The following DTWD2 variants were observed in gnomAD, a reference collection of about 807,000 sequenced individuals.
The protein encoded by DTWD2 is tRNA-uridine aminocarboxypropyltransferase 2.
In DTWD2, 39 loss-of-function variants were observed where a neutral mutation model predicts 31.8. The ratio of observed to expected loss-of-function variants is 1.22; its 90% CI spans 0.95 to 1.60. The LOEUF (loss-of-function observed/expected upper bound fraction) is 1.60, where lower values mean the gene tolerates loss of function less well. Among genes scored for constraint, DTWD2 ranks in the 40% most tolerant of loss-of-function variants. The pLI, the probability that DTWD2 is intolerant of heterozygous loss-of-function variation, is 0.00. For synonymous variants in DTWD2, 180 were observed against 142.8 expected (o/e 1.26, Z -1.86); for missense variants, 515 against 381.5 (o/e 1.35, Z -2.92).
At chr5:118,895,573 A>G (rs941640020) in intron 4 of DTWD2, among the ~76,000 whole-genome samples, 1 of 152,248 alleles carries the variant, frequency 6.6e-6, no homozygotes, top group African/African-American at 2.4e-5. Context: ...GAGCAAGAAC[A>G]ACAAAGCTGA....
chr5:118,899,143 T>C (rs1351442727), intron 4 of DTWD2, among the ~76,000 whole-genome samples: 1 of 152,238 alleles, frequency 6.6e-6, no homozygotes, highest in African/African-American at 2.4e-5. Flanking sequence ...GTGCTTTTTG[T>C]TGGCGATTCC....
At chr5:118,931,513 A>C (rs370999430) in intron 3 of DTWD2, among the ~76,000 whole-genome samples, 4 of 152,210 alleles carry the variant, frequency 2.6e-5, no homozygotes, top group Admixed American at 6.5e-5. Flanking sequence ...CATAATAACA[A>C]GAGTCAATTC....
intron 1 of DTWD2, among the ~76,000 whole-genome samples, chr5:118,949,685 G>C (rs1170078329): frequency 1.3e-5 from 2 of 152,076 alleles, no homozygotes; most frequent in African/African-American, 4.8e-5. Context: ...GGATGTTAAG[G>C]GGTGCATGAT....
intron 4 of DTWD2, among the ~76,000 whole-genome samples, chr5:118,923,166 G>A (rs530645790): frequency 2.0e-5 from 3 of 152,088 alleles, no homozygotes; most frequent in African/African-American, 7.2e-5. Flanking sequence ...TTCTCACCTT[G>A]TTACAGGTAG....
chr5:118,969,511 C>T (rs947785421), intron 1 of DTWD2, among the ~76,000 whole-genome samples: 1 of 152,124 alleles, frequency 6.6e-6, no homozygotes, highest in East Asian at 1.9e-4. Context: ...CAGCCTTCAC[C>T]GGTAATATCT....
At chr5:118,923,307 G>C (rs772479407) in intron 4 of DTWD2, among the ~76,000 whole-genome samples, 1 of 152,148 alleles carries the variant, frequency 6.6e-6, no homozygotes, top group Non-Finnish European at 1.5e-5. Context: ...GCGCCAGAGC[G>C]AGGCCATTTC....
At chr5:118,894,696 G>A (rs989720945) in intron 4 of DTWD2, among the ~76,000 whole-genome samples, 1 of 152,128 alleles carries the variant, frequency 6.6e-6, no homozygotes, top group Non-Finnish European at 1.5e-5. Flanking sequence ...ATTCATCCAA[G>A]GAATACAAGC....
At chr5:118,988,198 G>A in intron 1 of DTWD2, 96 bp downstream of exon 1, 1 of 1,461,776 alleles carries the variant, frequency 6.8e-7, no homozygotes, top group Non-Finnish European at 9.3e-7. Flanking sequence ...CCTAATCGCA[G>A]AGCTGCCCGA....
At chr5:118,964,756 G>A (rs913130585) in intron 1 of DTWD2, among the ~76,000 whole-genome samples, 2 of 152,232 alleles carry the variant, frequency 1.3e-5, no homozygotes, top group Non-Finnish European at 2.9e-5. Context: ...ATGTTGCCCA[G>A]GCTGGAGTGC....
rs180727200 is a variant in DTWD2 at position 118,840,506 on chromosome 5, A to G, written c.*411T>C. 164 of 152,586 alleles carry G rather than the reference A, an allele frequency of 1.1e-3. No individual in the cohort carries two copies. Among genetic ancestry groups the G allele is most frequent in the Non-Finnish European group, 1.9e-3 (130 of 68,210 alleles). The allele number at this position is 152,586 out of a possible 1,614,324, so 9.5% of individuals were successfully genotyped here. A position where few individuals can be genotyped will look rare whatever the true frequency, so the allele number is the denominator to read the frequency against. On this transcript the variant is annotated 3_prime_UTR_variant, in exon 6 of 6. Coordinates refer to ENST00000510708, the MANE Select transcript of DTWD2 (RefSeq NM_173666.4). The stretch of plus-strand genomic sequence containing the variant: ...ACTTATTTCAAACTGTAAAGTCAGG[A>G]CTGCAAACTGATGTAGGAATCTTAT...
chr5:118,974,299 T>G (rs1755091079), intron 1 of DTWD2, among the ~76,000 whole-genome samples: 2 of 151,656 alleles, frequency 1.3e-5, no homozygotes, highest in East Asian at 1.9e-4. Context: ...ACCCAAACCA[T>G]GAGAATTTGC....
At chr5:118,915,664 A>G (rs1028800676) in intron 4 of DTWD2, among the ~76,000 whole-genome samples, 2 of 152,196 alleles carry the variant, frequency 1.3e-5, no homozygotes, top group Non-Finnish European at 2.9e-5. Flanking sequence ...GTGAGCCACT[A>G]CGCCCGGCCT....
chr5:118,929,644 C>T (rs1753880673), intron 3 of DTWD2, among the ~76,000 whole-genome samples: 2 of 152,172 alleles, frequency 1.3e-5, no homozygotes, highest in South Asian at 2.1e-4. Flanking sequence ...TTTCTTATAA[C>T]ATCGTATATT....
intron 1 of DTWD2, among the ~76,000 whole-genome samples, chr5:118,973,419 T>C (rs1249002472): frequency 1.3e-5 from 2 of 152,208 alleles, no homozygotes; most frequent in Admixed American, 1.3e-4. Context: ...TATTTAGTGC[T>C]TCCTTGAGGA....
chr5:118,866,242 C>T (rs1367107495), intron 4 of DTWD2, among the ~76,000 whole-genome samples: 2 of 152,108 alleles, frequency 1.3e-5, no homozygotes, highest in Non-Finnish European at 2.9e-5. Context: ...AGTTTCCTCA[C>T]AGAGAAATTT....
At chr5:118,986,524 T>C (rs1252518779) in intron 1 of DTWD2, among the ~76,000 whole-genome samples, 2 of 152,164 alleles carry the variant, frequency 1.3e-5, no homozygotes, top group Non-Finnish European at 2.9e-5. Flanking sequence ...TTTAAGTAAA[T>C]AGCCAAATAA....
At chr5:118,867,066 G>A (rs1270553555) in intron 4 of DTWD2, among the ~76,000 whole-genome samples, 1 of 151,900 alleles carries the variant, frequency 6.6e-6, no homozygotes, top group Non-Finnish European at 1.5e-5. Context: ...GACAAATGTA[G>A]TAATGACTAA....
intron 3 of DTWD2, among the ~76,000 whole-genome samples, chr5:118,931,829 T>C (rs2149580390): frequency 6.6e-6 from 1 of 152,266 alleles, no homozygotes; most frequent in African/African-American, 2.4e-5. Context: ...ACAGACCACA[T>C]TCTGGGCCAT....
intron 1 of DTWD2, among the ~76,000 whole-genome samples, chr5:118,983,285 C>A (rs141567877): frequency 6.6e-6 from 1 of 152,212 alleles, no homozygotes; most frequent in East Asian, 1.9e-4. Context: ...GCTTAACCAA[C>A]TGCTGCTCAG....
Sources: gnomAD v4.1 joint callset for allele counts (sites outside exome capture counted in the v4.1 genomes callset) on GRCh38, gnomAD v4.1.1 for gene constraint, MANE v1.5 for transcripts, NCBI Gene and HGNC (gene_info 2026-07-23, HGNC 2026-07-21) for gene names.